SPECC1: variants seen among roughly 807,000 people sequenced by gnomAD.
SPECC1 encodes the protein cytospin-B.
In SPECC1, 62 loss-of-function variants were observed where a neutral mutation model predicts 104.1. That is an observed-to-expected ratio of 0.60 (90% CI 0.49 to 0.74). The LOEUF is 0.74. Among genes scored for constraint, SPECC1 ranks in the 30% least tolerant of loss-of-function variants. The pLI, the probability that SPECC1 is intolerant of heterozygous loss-of-function variation, is 0.00. For synonymous variants in SPECC1, 513 were observed against 501.6 expected, an observed-to-expected ratio of 1.02 and a Z score of -0.30; for missense variants, 1,306 against 1,310.5, an observed-to-expected ratio of 1.00 and a Z score of 0.05.
chr17:20,056,935 A>C (rs1329551357), intron 1 of SPECC1, among the ~76,000 whole-genome samples: 1 of 152,130 alleles, frequency 6.6e-6, no homozygotes, highest in Non-Finnish European at 1.5e-5. Context: ...GAGCCCTTCC[A>C]TTTCTTTCCT....
At chr17:20,111,677 G>A (rs1312023945) in intron 3 of SPECC1, 1 of 586,698 alleles carries the variant, frequency 1.7e-6, no homozygotes, top group Non-Finnish European at 3.1e-6. Context: ...TTGCGTGTGT[G>A]TGGTGTGTCC....
chr17:20,142,967 T>C (rs1451764521), intron 3 of SPECC1, among the ~76,000 whole-genome samples: 1 of 151,598 alleles, frequency 6.6e-6, no homozygotes, highest in Non-Finnish European at 1.5e-5. Context: ...GCCACTGTAC[T>C]CTAGCCTTGG....
intron 4 of SPECC1, among the ~76,000 whole-genome samples, chr17:20,225,197 C>T (rs974777904): frequency 2.6e-5 from 4 of 152,170 alleles, no homozygotes; most frequent in African/African-American, 7.2e-5. Context: ...CTTCCCTCTC[C>T]GCCCAGAGCT....
intron 14 of SPECC1, among the ~76,000 whole-genome samples, chr17:20,307,338 A>C (rs1223075327): frequency 6.6e-6 from 1 of 152,200 alleles, no homozygotes; most frequent in Non-Finnish European, 1.5e-5. Context: ...TCTCCTCTCC[A>C]TTCTCACCAT....
chr17:20,160,795 C>G (rs1041381881), intron 3 of SPECC1, among the ~76,000 whole-genome samples: 2 of 152,098 alleles, frequency 1.3e-5, no homozygotes, highest in African/African-American at 2.4e-5. Context: ...TGTTAGTTTT[C>G]AAGCCTCTCT....
chr17:20,286,215 C>G (rs149655122), intron 12 of SPECC1, among the ~76,000 whole-genome samples: 1,548 of 152,258 alleles, frequency 0.01, 25 homozygotes, highest in African/African-American at 0.035. Context: ...TTCATGTTCC[C>G]CTGGTTACCA....
intron 1 of SPECC1, among the ~76,000 whole-genome samples, chr17:20,011,209 C>T (rs191315821): frequency 5.3e-5 from 8 of 152,302 alleles, no homozygotes; most frequent in Admixed American, 5.2e-4. Flanking sequence ...TATCTGTTCC[C>T]TCAAGTTTGG....
At chr17:20,013,977 G>C (rs1482878033) in intron 1 of SPECC1, among the ~76,000 whole-genome samples, 1 of 152,282 alleles carries the variant, frequency 6.6e-6, no homozygotes, top group South Asian at 2.1e-4. Context: ...TTTCTGTTGA[G>C]TGTGTATCTG....
chr17:20,062,977 C>T (rs1223728259), intron 1 of SPECC1, among the ~76,000 whole-genome samples: 6 of 152,064 alleles, frequency 3.9e-5, no homozygotes, highest in East Asian at 3.8e-4. Flanking sequence ...CATAAGCCAC[C>T]GTGCCCAGCC....
rs373837049 is a variant in SPECC1 at position 20,316,454 on chromosome 17, C to T, written c.*2389C>T. On this transcript the variant is annotated 3_prime_UTR_variant, in exon 15 of 15. Transcript: ENST00000395527. Reference sequence around the variant, plus strand: ...CCGTCTCAGCTCACTGCAACCTCCGCCGCCCGTGTTTAAGCGATTCTCCTG... The same window carrying T: ...CCGTCTCAGCTCACTGCAACCTCCGTCGCCCGTGTTTAAGCGATTCTCCTG... 1 of 195,416 alleles carries T rather than the reference C, an allele frequency of 5.1e-6. No homozygotes were observed. Among genetic ancestry groups the T allele is most frequent in the Non-Finnish European group, 1.1e-5 (1 of 94,046 alleles). The allele number at this position is 195,416 out of a possible 1,614,324, so 12.1% of individuals were successfully genotyped here.
intron 7 of SPECC1, among the ~76,000 whole-genome samples, chr17:20,242,544 C>A (rs577439092): frequency 6.6e-6 from 1 of 152,068 alleles, no homozygotes; most frequent in Non-Finnish European, 1.5e-5. Flanking sequence ...TATGGGTTGC[C>A]GCCTTTTAAG....
At position 20,205,075 on chromosome 17, in the gene SPECC1, C is replaced by G; in HGVS notation, c.1026C>G (p.Pro342=). 1 of 1,614,172 alleles carries G rather than the reference C, an allele frequency of 6.2e-7. No homozygotes were observed. The highest frequency in any genetic ancestry group is 8.5e-7 in the Non-Finnish European group (1 of 1,180,028). ...TTACAGCAGAGACACCCTCAAGGCC[C>G]CTGTCCTCCACCAGTAACCCCTTTA... ...EHITAETPSR[P]LSSTSNPFKS... is the part of the protein sequence containing the mutation. The change falls in exon 4 of 15, where the codon CCC becomes CCG. Residue 342 remains proline, a synonymous_variant. Transcript: ENST00000395527.
chr17:20,058,435 G>A lies in SPECC1; in HGVS notation c.-21-38196G>A, dbSNP rs139299586. On this transcript the variant is annotated intron_variant, in intron 1 of 14. Coordinates refer to ENST00000395527, the MANE Select transcript of SPECC1 (RefSeq NM_001243439.2). ...ACTTGAGTCCAGGAGTTTGAGGGAG[G>A]ATCACTTGAGCCCAGGGTTTGAGAC... 5.0e-3 allele frequency among the ~76,000 whole-genome samples: 765 copies of A among 152,220 alleles called. 7 individuals carry two copies. Among genetic ancestry groups the A allele is most frequent in the African/African-American group, 0.018 (737 of 41,530 alleles).
At chr17:20,011,382 A>G (rs1038401157) in intron 1 of SPECC1, among the ~76,000 whole-genome samples, 14 of 152,196 alleles carry the variant, frequency 9.2e-5, no homozygotes, top group African/African-American at 3.4e-4. Flanking sequence ...GAAAATCATT[A>G]ACATTATTGA....
intron 3 of SPECC1, among the ~76,000 whole-genome samples, chr17:20,113,718 C>G (rs1453143486): frequency 6.6e-6 from 1 of 152,196 alleles, no homozygotes; most frequent in Non-Finnish European, 1.5e-5. Context: ...ATCACTACAA[C>G]ACTTATAAAT....
chr17:20,062,677 T>C (rs553596671), intron 1 of SPECC1, among the ~76,000 whole-genome samples: 9 of 150,814 alleles, frequency 6.0e-5, no homozygotes, highest in Non-Finnish European at 1.0e-4. Context: ...ATTTCACGTA[T>C]AACACAAGAA....
chr17:20,267,349 A>G (rs1048593849), intron 12 of SPECC1, among the ~76,000 whole-genome samples: 1 of 152,156 alleles, frequency 6.6e-6, no homozygotes, highest in African/African-American at 2.4e-5. Context: ...TTAAGCTCCT[A>G]GTTTTCTGTT....
chr17:20,074,343 TATG>T (rs1218013202), intron 1 of SPECC1, among the ~76,000 whole-genome samples: 1 of 152,226 alleles, frequency 6.6e-6, no homozygotes, highest in Non-Finnish European at 1.5e-5. Context: ...CAAGCAATAA[TATG>T]ATAAAGTTGG....
intron 1 of SPECC1, among the ~76,000 whole-genome samples, chr17:20,046,145 C>T (rs891207661): frequency 2.6e-5 from 4 of 151,974 alleles, no homozygotes; most frequent in East Asian, 1.9e-4. Flanking sequence ...AGTTTCTTGC[C>T]GTGTTGCCTA....
Sources: gnomAD v4.1 joint callset for allele counts (sites outside exome capture counted in the v4.1 genomes callset) on GRCh38, gnomAD v4.1.1 for gene constraint, MANE v1.5 for transcripts, NCBI Gene and HGNC (gene_info 2026-07-23, HGNC 2026-07-21) for gene names.